Variants in DNAJC13 observed in about 807,000 individuals in gnomAD.
DNAJC13 encodes DnaJ heat shock protein family (Hsp40) member C13, also known as dnaJ homolog subfamily C member 13.
In DNAJC13, 75 loss-of-function variants were observed where a neutral mutation model predicts 290.5. The ratio of observed to expected loss-of-function variants is 0.26; its 90% CI spans 0.21 to 0.31. DNAJC13 has a LOEUF of 0.31. DNAJC13 is among the 10% of genes least tolerant of loss of function. The pLI is 1.00. For synonymous variants in DNAJC13, 862 were observed against 892.0 expected (o/e 0.97, Z 0.60); for missense variants, 2,260 against 2,674.5 (o/e 0.85, Z 3.42).
rs368018988 is a variant in DNAJC13 at position 132,461,046 on chromosome 3, T to C, written c.1558-4T>C. ...CTTTAAGAGAATCTGTTGCATTGTT[T>C]CAGGATCATGGGACTGGTGCCCTAG... is the stretch of plus-strand genomic sequence containing the variant. On this transcript the variant is annotated splice_region_variant and splice_polypyrimidine_tract_variant and intron_variant, in intron 14 of 55. Coordinates refer to ENST00000260818, the MANE Select transcript of DNAJC13 (RefSeq NM_015268.4). 6.8e-6 allele frequency: 11 copies of C among 1,613,456 alleles called. No homozygotes were observed. The highest frequency in any genetic ancestry group is 1.7e-4 in the Middle Eastern group (1 of 6,054).
chr3:132,525,926 A>G, intron 52 of DNAJC13, 137 bp downstream of exon 52: 2 of 1,207,798 alleles, frequency 1.7e-6, no homozygotes, highest in Non-Finnish European at 2.3e-6. Context: ...ATGGTATTTT[A>G]TTAGTTCTGG....
intron 55 of DNAJC13, 152 bp from the exon 56 acceptor site, chr3:132,538,024 G>A: frequency 1.7e-6 from 1 of 590,146 alleles, no homozygotes; most frequent in East Asian, 2.8e-5. Context: ...CTATGTAGCT[G>A]TTTATTAAGG....
At chr3:132,503,024 A>G (rs1007413180) in intron 40 of DNAJC13, among the ~76,000 whole-genome samples, 190 bp from the exon 41 acceptor site, 5 of 152,196 alleles carry the variant, frequency 3.3e-5, no homozygotes, top group Non-Finnish European at 7.3e-5. Flanking sequence ...GGTCCTTCTT[A>G]TAAATAAAAA....
chr3:132,458,010 G>A (rs1173352271), intron 13 of DNAJC13: 1 of 152,148 alleles, frequency 6.6e-6, no homozygotes, highest in Non-Finnish European at 1.5e-5. Flanking sequence ...GCAGTAATGT[G>A]ATCAGGTTTG....
chr3:132,426,446 C>G (rs867963606), intron 1 of DNAJC13, among the ~76,000 whole-genome samples: 2 of 152,312 alleles, frequency 1.3e-5, no homozygotes, highest in Admixed American at 6.5e-5. Flanking sequence ...AGATAAATTC[C>G]TGCTATTTCG....
intron 24 of DNAJC13, among the ~76,000 whole-genome samples, chr3:132,478,753 A>G (rs915573119): frequency 6.6e-6 from 1 of 152,210 alleles, no homozygotes; most frequent in Non-Finnish European, 1.5e-5. Context: ...CTTGTCTCAA[A>G]AAAAATTTTT....
intron 29 of DNAJC13, among the ~76,000 whole-genome samples, chr3:132,487,458 A>G (rs1054347794): frequency 2.7e-5 from 4 of 150,030 alleles, no homozygotes. Context: ...GGGTTTCACC[A>G]TGTTGGCCAG....
At chr3:132,446,580 G>T in intron 3 of DNAJC13, 30 bp downstream of exon 3, 1 of 1,479,976 alleles carries the variant, frequency 6.8e-7, no homozygotes, top group South Asian at 1.2e-5. Context: ...TTAGGTGTTT[G>T]TATGAACTCC....
At position 132,499,315 on chromosome 3, in the gene DNAJC13, T is replaced by C. The variant is rs769735133; in HGVS notation, c.4341+5T>C. On this transcript the variant is annotated splice_donor_5th_base_variant and intron_variant, in intron 37 of 55. Transcript: ENST00000260818. ...AGAAGAGAGAATGGACTAGAGGTAA[T>C]ACGGAGTGACCTTTGTGCTTTTTAA... 1 of 1,583,376 alleles carries C rather than the reference T, an allele frequency of 6.3e-7. No homozygotes were observed. The highest frequency in any genetic ancestry group is 1.1e-5 in the South Asian group (1 of 87,694).
At chr3:132,461,924 CT>C (rs1369875937) in intron 15 of DNAJC13, among the ~76,000 whole-genome samples, 1 of 152,028 alleles carries the variant, frequency 6.6e-6, no homozygotes, top group Non-Finnish European at 1.5e-5. Flanking sequence ...TGCCCCTGAG[CT>C]TAAGCGATCC....
chr3:132,468,532 T>C lies in DNAJC13; in HGVS notation c.2208+1219T>C, dbSNP rs561862578. On this transcript the variant is annotated intron_variant, in intron 20 of 55. Transcript: ENST00000260818. ...GAATCATTAGGCTTTCAAGTGACTA[T>C]GTAGTATAGTAAAGAGAATACTGAA... 2.2e-4 allele frequency among the ~76,000 whole-genome samples: 33 copies of C among 152,318 alleles called. 1 individual carries two copies. The South Asian group carries it at 6.4e-3, about 30-fold the overall frequency.
intron 25 of DNAJC13, 107 bp from the exon 26 acceptor site, chr3:132,480,262 T>C (rs763555364): frequency 1.7e-6 from 1 of 600,984 alleles, no homozygotes; most frequent in Non-Finnish European, 2.9e-6. Context: ...CATTCTTTTC[T>C]TCGAGGACCT....
intron 16 of DNAJC13, among the ~76,000 whole-genome samples, chr3:132,463,447 T>C (rs962605309): frequency 6.6e-6 from 1 of 152,180 alleles, no homozygotes. Flanking sequence ...AGTTTTAATA[T>C]TAAGTTTAGC....
At chr3:132,466,592 T>C (rs974611154) in intron 19 of DNAJC13, among the ~76,000 whole-genome samples, 198 bp downstream of exon 19, 3 of 152,226 alleles carry the variant, frequency 2.0e-5, no homozygotes, top group African/African-American at 7.2e-5. Flanking sequence ...AATTAAATAA[T>C]TTGTGGTATA....
At chr3:132,499,055 G>T (rs1400153482) in intron 36 of DNAJC13, 71 bp from the exon 37 acceptor site, 2 of 1,326,776 alleles carry the variant, frequency 1.5e-6, no homozygotes, top group East Asian at 2.4e-5. Flanking sequence ...CTTGAACATG[G>T]TATCAAAATT....
chr3:132,534,233 C>G (rs1186457179), intron 55 of DNAJC13, among the ~76,000 whole-genome samples: 3 of 152,134 alleles, frequency 2.0e-5, no homozygotes, highest in Non-Finnish European at 4.4e-5. Context: ...GTAGAACAGT[C>G]TGGATAAGCT....
Position 132,525,808 on chromosome 3 carries a change from A to G in DNAJC13, c.6240+19A>G. ...AAATGAGGTATTGATGAATACACTT[A>G]GTAGTTTATAAGCTCCAGAATTTAT... On this transcript the variant is annotated intron_variant, in intron 52 of 55. Transcript: ENST00000260818. The G allele has an allele frequency of 6.2e-7, 1 of 1,609,194 alleles. No individual in the cohort carries two copies. Among genetic ancestry groups the G allele is most frequent in the East Asian group, 2.2e-5 (1 of 44,816 alleles).
At position 132,438,310 on chromosome 3, in the gene DNAJC13, T is replaced by C. The variant is rs2107653271; in HGVS notation, c.68+3692T>C. On this transcript the variant is annotated intron_variant, in intron 2 of 55. Coordinates refer to ENST00000260818, the MANE Select transcript of DNAJC13 (RefSeq NM_015268.4). ...TATCATTTCATTGGGTTATATACAT[T>C]ATTAAATGGCACTGAGACTTTTTAT... 1.3e-5 allele frequency among the ~76,000 whole-genome samples: 2 copies of C among 152,358 alleles called. 1 individual carries two copies. The highest frequency in any genetic ancestry group is 4.1e-4 in the South Asian group (2 of 4,826).
At chr3:132,486,147 ATTTCT>A (rs1339114433) in intron 29 of DNAJC13, among the ~76,000 whole-genome samples, 2 of 114,822 alleles carry the variant, frequency 1.7e-5, no homozygotes, top group African/African-American at 7.1e-5. Context: ...ACATTTTAAC[ATTTCT>A]TTGCTTTTCT....
Sources: gnomAD v4.1 joint callset for allele counts (sites outside exome capture counted in the v4.1 genomes callset) on GRCh38, gnomAD v4.1.1 for gene constraint, MANE v1.5 for transcripts, NCBI Gene and HGNC (gene_info 2026-07-23, HGNC 2026-07-21) for gene names.